The following ECHDC1 variants were observed in gnomAD, a reference collection of about 807,000 sequenced individuals.
The protein encoded by ECHDC1 is ethylmalonyl-CoA decarboxylase 1.
Under a neutral mutation model 29.7 loss-of-function variants are expected in ECHDC1, and 29 were observed. The observed-to-expected ratio is 0.98, with a 90% CI of 0.73 to 1.33. The LOEUF (loss-of-function observed/expected upper bound fraction) is 1.33, where lower values mean the gene tolerates loss of function less well. ECHDC1 is among the 40% of genes most tolerant of loss of function. ECHDC1 has a pLI of 0.00. For missense variants in ECHDC1, 328 were observed against 350.0 expected (o/e 0.94, Z 0.50); for synonymous variants, 126 against 123.1 (o/e 1.02, Z -0.15).
Position 127,327,110 on chromosome 6 carries a change from A to C in ECHDC1, c.255T>G (p.Ile85Met), listed in dbSNP as rs1352284891. ...TCCCCTCTGTCCAATTTTCCAATTC[A>C]ATTACTTTTTCCAGAAGTTGTAGCA... ...VMMLQLLEKV[I>M]ELENWTEGKG... is the part of the protein sequence containing the mutation. Residue 85 changes from isoleucine to methionine, a missense_variant, in exon 3 of 6, where the codon ATT becomes ATG. Coordinates refer to ENST00000454859, the MANE Select transcript of ECHDC1 (RefSeq NM_001002030.2). 6.2e-7 allele frequency: 1 copy of C among 1,614,016 alleles called. No homozygotes were observed. The highest frequency in any genetic ancestry group is 2.2e-5 in the East Asian group (1 of 44,868).
In ECHDC1 at chr6:127,314,881, AC is replaced by A. The variant is rs1328615989; in HGVS notation, c.431del (p.Ser144MetfsTer24). The A allele has an allele frequency of 1.2e-6, 2 of 1,611,858 alleles. No individual in the cohort carries two copies. Among genetic ancestry groups the A allele is most frequent in the Non-Finnish European group, 1.7e-6 (2 of 1,179,030 alleles). On this transcript the variant is annotated frameshift_variant, in exon 5 of 6. Coordinates refer to ENST00000454859, the MANE Select transcript of ECHDC1 (RefSeq NM_001002030.2). LOFTEE classifies it high-confidence loss of function. Reference protein sequence around the residue: ...LTRFMRLPLISVALVQGWALG... With the variant: ...LTRFMRLPLIXVALVQGWALG... ...ATGCCCAACCTTGAACCAGCGCAAC[AC>A]TTATTAAAGGAAGTCTGTATATTGA... is the stretch of plus-strand genomic sequence containing the variant.
chr6:127,289,931 T>C lies in ECHDC1; in HGVS notation c.844A>G (p.Thr282Ala), dbSNP rs1221446294. 3 of 1,613,550 alleles carry C rather than the reference T, an allele frequency of 1.9e-6. No individual in the cohort carries two copies. Among genetic ancestry groups the C allele is most frequent in the Admixed American group, 3.3e-5 (2 of 59,942 alleles). ...ALQNERDLLG[T>A]VWGGPANLEA... Reference sequence around the variant, plus strand: ...AAATTTGCAGGCCCACCCCAAACTGTTCCTAAAAGATCTCTTTCGTTCTGT... The same window carrying C: ...AAATTTGCAGGCCCACCCCAAACTGCTCCTAAAAGATCTCTTTCGTTCTGT... The change falls in exon 6 of 6, where the codon ACA becomes GCA. Residue 282 changes from threonine (T) to alanine (A), a missense_variant. By Grantham distance (58) the Thr-to-Ala change is moderately conservative. Transcript: ENST00000454859.
intron 5 of ECHDC1, among the ~76,000 whole-genome samples, chr6:127,305,763 C>T (rs1781392030): frequency 6.6e-6 from 1 of 151,944 alleles, no homozygotes; most frequent in African/African-American, 2.4e-5. Flanking sequence ...ATAGTATTTG[C>T]AAGCCTAATA....
At chr6:127,308,417 T>A (rs563972016) in intron 5 of ECHDC1, among the ~76,000 whole-genome samples, 14 of 152,202 alleles carry the variant, frequency 9.2e-5, no homozygotes, top group Non-Finnish European at 1.9e-4. Context: ...TTTGGACTCA[T>A]GCTGAAAAAG....
At chr6:127,330,774 G>C (rs993879236) in intron 2 of ECHDC1, 35 bp downstream of exon 2, 11 of 1,560,020 alleles carry the variant, frequency 7.1e-6, no homozygotes, top group Non-Finnish European at 8.8e-6. Context: ...TTTAGATTTA[G>C]TGTCATTCTT....
At chr6:127,304,257 G>A (rs1386353199) in intron 5 of ECHDC1, among the ~76,000 whole-genome samples, 1 of 152,160 alleles carries the variant, frequency 6.6e-6, no homozygotes, top group Non-Finnish European at 1.5e-5. Context: ...GTCTCTGCCT[G>A]GTAATCCAGA....
At chr6:127,291,900 T>TA (rs1240524583) in intron 5 of ECHDC1, among the ~76,000 whole-genome samples, 2 of 152,080 alleles carry the variant, frequency 1.3e-5, no homozygotes, top group Non-Finnish European at 2.9e-5. Flanking sequence ...TGAAAAATAA[T>TA]AGTTTTCAAG....
In ECHDC1 at chr6:127,317,791, A is replaced by G. The variant is rs1196287481; in HGVS notation, c.364-1289T>C. The G allele has an allele frequency of 3.3e-5, 5 of 152,274 alleles. No individual in the cohort carries two copies. The East Asian group carries it at 9.7e-4, about 29-fold the overall frequency. The allele number at this position is 152,274 out of a possible 1,614,324, so 9.4% of individuals were successfully genotyped here. A position where few individuals can be genotyped will look rare whatever the true frequency, so the allele number is the denominator to read the frequency against. On this transcript the variant is annotated intron_variant, in intron 3 of 5. Transcript: ENST00000454859. ...CGGATCTACCTTAGAAATATTTCAA[A>G]TATCAATCCCTTCTTTTATATTTTT...
chr6:127,342,193 T>C (rs540342563), intron 1 of ECHDC1, among the ~76,000 whole-genome samples: 38 of 152,358 alleles, frequency 2.5e-4, no homozygotes, highest in Middle Eastern at 3.4e-3. Flanking sequence ...TCTCACTCAC[T>C]CTTTGCTGTA....
intron 5 of ECHDC1, among the ~76,000 whole-genome samples, chr6:127,296,504 ACAAAAAACAAGCAAAGT>A (rs1780609312): frequency 6.6e-6 from 1 of 152,090 alleles, no homozygotes; most frequent in Non-Finnish European, 1.5e-5. Context: ...AAGAATAAAA[ACAAAAAACAAGCAAAGT>A]CAAAAAACAA....
chr6:127,322,071 C>T (rs1216209214), intron 3 of ECHDC1, among the ~76,000 whole-genome samples: 3 of 151,482 alleles, frequency 2.0e-5, no homozygotes, highest in Non-Finnish European at 2.9e-5. Flanking sequence ...TTTGGGAAGC[C>T]GAGGAGGGCA....
Position 127,289,971 on chromosome 6 carries a change from A to G in ECHDC1, c.804T>C (p.Tyr268=), listed in dbSNP as rs1298330504. ...KKSVCSGREL[Y]LEEALQNERD... is the part of the protein sequence containing the mutation. The stretch of plus-strand genomic sequence containing the variant: ...TTTCGTTCTGTAATGCTTCCTCCAA[A>G]TATAGCTCTCTGCCTGAACAAACAG... Residue 268 remains tyrosine (Y), a synonymous_variant, in exon 6 of 6, where the codon TAT becomes TAC. Coordinates refer to ENST00000454859, the MANE Select transcript of ECHDC1 (RefSeq NM_001002030.2). 6.2e-7 allele frequency: 1 copy of G among 1,613,528 alleles called. No homozygotes were observed. Among genetic ancestry groups the G allele is most frequent in the African/African-American group, 1.3e-5 (1 of 74,868 alleles).
intron 5 of ECHDC1, among the ~76,000 whole-genome samples, chr6:127,314,410 A>G (rs1016624081): frequency 1.3e-5 from 2 of 152,088 alleles, no homozygotes; most frequent in Non-Finnish European, 2.9e-5. Flanking sequence ...GATCTCAGAA[A>G]ATCTCTTTTT....
chr6:127,340,242 T>A (rs1784810585), intron 1 of ECHDC1, among the ~76,000 whole-genome samples: 2 of 152,230 alleles, frequency 1.3e-5, no homozygotes, highest in African/African-American at 4.8e-5. Flanking sequence ...AAGGATAACC[T>A]GATGCATTTT....
At chr6:127,291,770 A>G (rs1780216046) in intron 5 of ECHDC1, among the ~76,000 whole-genome samples, 1 of 152,136 alleles carries the variant, frequency 6.6e-6, no homozygotes, top group Admixed American at 6.6e-5. Flanking sequence ...TTGACCCGAG[A>G]GAATTCTGAC....
intron 2 of ECHDC1, chr6:127,329,720 G>T: frequency 7.5e-6 from 2 of 265,332 alleles, no homozygotes; most frequent in Non-Finnish European, 1.5e-5. Context: ...AAATATTTTG[G>T]ATATACTGAG....
intron 5 of ECHDC1, among the ~76,000 whole-genome samples, chr6:127,299,687 T>G (rs1384726077): frequency 6.6e-6 from 1 of 152,162 alleles, no homozygotes; most frequent in Non-Finnish European, 1.5e-5. Flanking sequence ...TGAGGCTGTT[T>G]ACATTTAATT....
chr6:127,290,176 C>G lies in ECHDC1; in HGVS notation c.599G>C (p.Arg200Thr). The G allele has an allele frequency of 6.2e-7, 1 of 1,613,678 alleles. No individual in the cohort carries two copies. Among genetic ancestry groups the G allele is most frequent in the Non-Finnish European group, 8.5e-7 (1 of 1,179,766 alleles). Residue 200 changes from arginine to threonine, a missense_variant, in exon 6 of 6, where the codon AGA becomes ACA. Physicochemically the swap from Arg to Thr is moderately conservative, Grantham distance 71. Transcript: ENST00000454859. ...CCCACTCAACACTTTGAGAGCTTGT[C>G]TACTTCCGATTATTTCAACTAGCCG... ...TTRLVEIIGS[R>T]QALKVLSGAL...
intron 5 of ECHDC1, among the ~76,000 whole-genome samples, chr6:127,295,631 T>C (rs1039285248): frequency 1.3e-5 from 2 of 152,240 alleles, no homozygotes; most frequent in African/African-American, 2.4e-5. Context: ...TAAGAAAGGA[T>C]GCTCTCAAAT....
Sources: gnomAD v4.1 joint callset for allele counts (sites outside exome capture counted in the v4.1 genomes callset) on GRCh38, gnomAD v4.1.1 for gene constraint, MANE v1.5 for transcripts, NCBI Gene and HGNC (gene_info 2026-07-23, HGNC 2026-07-21) for gene names.